Variants in GRM5 observed in about 807,000 individuals in gnomAD.
GRM5 encodes the protein glutamate metabotropic receptor 5.
In GRM5, 19 loss-of-function variants were observed where a neutral mutation model predicts 83.1. The ratio of observed to expected loss-of-function variants is 0.23; its 90% CI spans 0.16 to 0.34. The LOEUF is 0.34. Ranked by LOEUF, GRM5 falls within the 10% of genes least tolerant of loss-of-function variation. The pLI is 1.00. For synonymous variants in GRM5, 675 were observed against 633.6 expected, an observed-to-expected ratio of 1.07 and a Z score of -0.98; for missense variants, 1,160 against 1,588.3, an observed-to-expected ratio of 0.73 and a Z score of 4.58.
chr11:89,000,089 G>A (rs1039311103), intron 2 of GRM5, among the ~76,000 whole-genome samples: 4 of 152,132 alleles, frequency 2.6e-5, no homozygotes, highest in African/African-American at 9.7e-5. Flanking sequence ...GGCCTGTTGT[G>A]GGGTGAGGGG....
intron 4 of GRM5, among the ~76,000 whole-genome samples, chr11:88,610,253 A>G (rs1402489300): frequency 6.6e-6 from 1 of 152,198 alleles, no homozygotes; most frequent in Non-Finnish European, 1.5e-5. Flanking sequence ...AATTCTGTGA[A>G]AAATGAAATT....
chr11:88,553,810 C>G (rs112971950), intron 8 of GRM5, among the ~76,000 whole-genome samples: 194 of 152,214 alleles, frequency 1.3e-3, no homozygotes, highest in African/African-American at 4.4e-3. Context: ...AATACAGTGA[C>G]TTTCTGTGTG....
At chr11:88,834,219 T>C (rs944100227) in intron 3 of GRM5, among the ~76,000 whole-genome samples, 15 of 152,068 alleles carry the variant, frequency 9.9e-5, no homozygotes, top group Non-Finnish European at 2.1e-4. Context: ...TAAAAAAAAA[T>C]CATGTGTACC....
At chr11:88,851,026 A>G (rs1944381497) in intron 2 of GRM5, among the ~76,000 whole-genome samples, 1 of 152,128 alleles carries the variant, frequency 6.6e-6, no homozygotes, top group Non-Finnish European at 1.5e-5. Flanking sequence ...AGTTAGGTCC[A>G]TATTTACCTT....
intron 3 of GRM5, among the ~76,000 whole-genome samples, chr11:88,707,250 T>G (rs887557745): frequency 6.6e-6 from 1 of 152,082 alleles, no homozygotes; most frequent in African/African-American, 2.4e-5. Flanking sequence ...CATATAGAAT[T>G]TTGTGCATTA....
At chr11:88,999,916 T>G (rs755185070) in intron 2 of GRM5, among the ~76,000 whole-genome samples, 22 of 152,178 alleles carry the variant, frequency 1.4e-4, no homozygotes, top group Non-Finnish European at 2.5e-4. Flanking sequence ...CCATAAAAAA[T>G]GATGAGTTCA....
intron 3 of GRM5, among the ~76,000 whole-genome samples, chr11:88,811,552 T>C (rs1419234574): frequency 6.6e-6 from 1 of 152,100 alleles, no homozygotes; most frequent in East Asian, 1.9e-4. Flanking sequence ...TGCTTTTTGG[T>C]CTGATATCAG....
At chr11:89,040,960 T>C (rs954177576) in intron 2 of GRM5, among the ~76,000 whole-genome samples, 3 of 152,216 alleles carry the variant, frequency 2.0e-5, no homozygotes, top group African/African-American at 4.8e-5. Flanking sequence ...CTGTGTTTTA[T>C]GTGTTTCAAG....
chr11:88,681,964 A>C (rs1940506410), intron 3 of GRM5, among the ~76,000 whole-genome samples: 1 of 152,030 alleles, frequency 6.6e-6, no homozygotes, highest in Non-Finnish European at 1.5e-5. Flanking sequence ...AAATGATCCA[A>C]ACTGTAGCCA....
chr11:88,591,463 C>T (rs538410165), intron 6 of GRM5, among the ~76,000 whole-genome samples: 11 of 152,252 alleles, frequency 7.2e-5, no homozygotes, highest in South Asian at 4.2e-4. Flanking sequence ...GTTATTCTTT[C>T]GAAATAGATG....
At chr11:88,757,614 A>G (rs1240124548) in intron 3 of GRM5, among the ~76,000 whole-genome samples, 4 of 151,578 alleles carry the variant, frequency 2.6e-5, no homozygotes, top group Non-Finnish European at 5.9e-5. Flanking sequence ...CACCACCACC[A>G]GTGGAACCAC....
chr11:88,890,468 G>A lies in GRM5; in HGVS notation c.662-40313C>T, dbSNP rs77448601. ...ATTCTGTTTGTGTTGCTATATATGT[G>A]TTGTGTGTAATGTCTACAATAAGAG... is the stretch of plus-strand genomic sequence containing the variant. On this transcript the variant is annotated intron_variant, in intron 2 of 9. Transcript: ENST00000305447. 7.5e-3 allele frequency among the ~76,000 whole-genome samples: 1,142 copies of A among 152,130 alleles called. 26 individuals are homozygous for A. In the East Asian group the frequency reaches 0.075, roughly 10 times the overall value.
At chr11:88,994,473 A>G in intron 2 of GRM5, among the ~76,000 whole-genome samples, 1 of 135,880 alleles carries the variant, frequency 7.4e-6, no homozygotes, top group East Asian at 2.1e-4. Flanking sequence ...ATATATATAT[A>G]TATATATATA....
At chr11:88,883,823 C>T (rs1008616363) in intron 2 of GRM5, among the ~76,000 whole-genome samples, 18 of 152,218 alleles carry the variant, frequency 1.2e-4, no homozygotes, top group African/African-American at 4.3e-4. Flanking sequence ...AGCCCCAAGC[C>T]TTGGCAACTT....
chr11:88,706,309 A>C (rs1941157164), intron 3 of GRM5, among the ~76,000 whole-genome samples: 1 of 152,062 alleles, frequency 6.6e-6, no homozygotes, highest in South Asian at 2.1e-4. Flanking sequence ...CTCAAGATTT[A>C]GGGCTTCTTC....
chr11:88,603,012 T>A lies in GRM5; in HGVS notation c.1394+1706A>T, dbSNP rs540041485. Among the ~76,000 whole-genome samples, 4 of 152,340 alleles carry A rather than the reference T, an allele frequency of 2.6e-5. No individual in the cohort carries two copies. In the South Asian group the frequency reaches 6.2e-4, roughly 24 times the overall value. ...ATTTATTCATGGGTTAATGTTATAC[T>A]CAAACCTAGTAGTGCAAGGATAGAC... On this transcript the variant is annotated intron_variant, in intron 5 of 9. Coordinates refer to ENST00000305447, the MANE Select transcript of GRM5 (RefSeq NM_001143831.3).
chr11:88,932,887 C>G (rs1478113835), intron 2 of GRM5, among the ~76,000 whole-genome samples: 2 of 151,878 alleles, frequency 1.3e-5, no homozygotes, highest in Non-Finnish European at 2.9e-5. Context: ...GGTAGGATTT[C>G]ATTAAAGACC....
Position 88,926,102 on chromosome 11 carries a change from T to C in GRM5, c.662-75947A>G, listed in dbSNP as rs139923966. ...ACCAGCTATTATATGCACAACACTA[T>C]GTTAGGTGCCTCCTGCACCTTTTCC... On this transcript the variant is annotated intron_variant, in intron 2 of 9. Coordinates refer to ENST00000305447, the MANE Select transcript of GRM5 (RefSeq NM_001143831.3). Among the ~76,000 whole-genome samples the C allele has an allele frequency of 3.3e-3, 495 of 152,262 alleles. 3 individuals carry two copies. The highest frequency in any genetic ancestry group is 0.011 in the African/African-American group (451 of 41,570).
intron 2 of GRM5, among the ~76,000 whole-genome samples, chr11:88,942,455 C>T (rs890163510): frequency 3.9e-5 from 6 of 151,906 alleles, no homozygotes; most frequent in Non-Finnish European, 7.4e-5. Flanking sequence ...ATCCTAAATC[C>T]CAGATAAGTG....
Sources: gnomAD v4.1 joint callset for allele counts (sites outside exome capture counted in the v4.1 genomes callset) on GRCh38, gnomAD v4.1.1 for gene constraint, MANE v1.5 for transcripts, NCBI Gene and HGNC (gene_info 2026-07-23, HGNC 2026-07-21) for gene names.